The following KLHL1 variants were observed in gnomAD, a reference collection of about 807,000 sequenced individuals.
KLHL1 encodes kelch like family member 1.
A neutral mutation model predicts 77.7 loss-of-function variants in KLHL1; 47 were observed. That is an observed-to-expected ratio of 0.60 (90% confidence interval 0.48 to 0.77). KLHL1 has a LOEUF of 0.77. Among genes scored for constraint, KLHL1 ranks in the 30% least tolerant of loss-of-function variants. KLHL1 has a pLI of 0.00. For synonymous variants in KLHL1, 360 were observed against 325.2 expected, an observed-to-expected ratio of 1.11 and a Z score of -1.15; for missense variants, 925 against 910.8, an observed-to-expected ratio of 1.02 and a Z score of -0.20.
intron 5 of KLHL1, among the ~76,000 whole-genome samples, chr13:69,865,784 C>T (rs144805559): frequency 6.6e-6 from 1 of 152,194 alleles, no homozygotes; most frequent in African/African-American, 2.4e-5. Flanking sequence ...GGCATTGTTA[C>T]TGGACATGGA....
intron 5 of KLHL1, among the ~76,000 whole-genome samples, chr13:69,855,548 A>G (rs1879876365): frequency 6.9e-6 from 1 of 145,936 alleles, no homozygotes; most frequent in African/African-American, 2.6e-5. Flanking sequence ...GAAATAATGT[A>G]ATCTTGGGGG....
rs986181347 is a variant in KLHL1, at chr13:69,971,923, C to T, written c.680+3697G>A. 3.9e-5 allele frequency among the ~76,000 whole-genome samples: 6 copies of T among 151,994 alleles called. 1 individual carries two copies. Among genetic ancestry groups the T allele is most frequent in the African/African-American group, 1.4e-4 (6 of 41,432 alleles). On this transcript the variant is annotated intron_variant, in intron 2 of 10. Coordinates refer to ENST00000377844, the MANE Select transcript of KLHL1 (RefSeq NM_020866.3). ...TGCTTCATGGACTGCTGACAATCTA[C>T]TATAGACATAAGCAAAACATTAAAA...
intron 1 of KLHL1, among the ~76,000 whole-genome samples, chr13:69,985,811 A>G (rs1884850452): frequency 6.8e-6 from 1 of 146,354 alleles, no homozygotes; most frequent in African/African-American, 2.5e-5. Context: ...ATATTTATAT[A>G]TTATATATTA....
chr13:69,849,233 A>G (rs1879591217), intron 5 of KLHL1, among the ~76,000 whole-genome samples: 1 of 151,508 alleles, frequency 6.6e-6, no homozygotes, highest in African/African-American at 2.4e-5. Flanking sequence ...GTTCCCCTAA[A>G]ACATCTTAAT....
chr13:70,025,204 A>T (rs1269869901), intron 1 of KLHL1, among the ~76,000 whole-genome samples: 1 of 152,020 alleles, frequency 6.6e-6, no homozygotes, highest in East Asian at 1.9e-4. Flanking sequence ...CCAGAATTGT[A>T]TACAGTGGTA....
intron 5 of KLHL1, among the ~76,000 whole-genome samples, chr13:69,854,898 A>G (rs148265684): frequency 4.7e-4 from 72 of 152,160 alleles, no homozygotes; most frequent in African/African-American, 1.7e-3. Flanking sequence ...TCATCTCTCA[A>G]GTACCTATTT....
At chr13:69,740,153 G>A (rs1974907) in intron 8 of KLHL1, among the ~76,000 whole-genome samples, 54,991 of 151,862 alleles carry the variant, frequency 0.36, 10,459 homozygotes, top group African/African-American at 0.47. Flanking sequence ...TTATTCAAAA[G>A]TGATATAAAT....
At chr13:70,046,804 G>A (rs557085944) in intron 1 of KLHL1, among the ~76,000 whole-genome samples, 1 of 151,922 alleles carries the variant, frequency 6.6e-6, no homozygotes, top group Middle Eastern at 3.2e-3. Flanking sequence ...CCTTACACCC[G>A]GCCTCTAGCT....
intron 4 of KLHL1, among the ~76,000 whole-genome samples, chr13:69,938,030 G>GA (rs1010730910): frequency 5.8e-4 from 88 of 150,892 alleles, no homozygotes; most frequent in Middle Eastern, 3.4e-3. Context: ...CAGTTAAGGA[G>GA]AAAAAAAAAC....
intron 1 of KLHL1, among the ~76,000 whole-genome samples, chr13:70,033,397 C>G (rs1886156685): frequency 6.6e-6 from 1 of 152,158 alleles, no homozygotes; most frequent in African/African-American, 2.4e-5. Flanking sequence ...TCACACCATT[C>G]TCCTGCCTCA....
At chr13:70,099,842 A>T (rs1236453372) in intron 1 of KLHL1, among the ~76,000 whole-genome samples, 1 of 152,054 alleles carries the variant, frequency 6.6e-6, no homozygotes, top group Non-Finnish European at 1.5e-5. Context: ...TTTATATGGC[A>T]GAATAGTATT....
At chr13:69,732,529 C>T (rs1873591640) in intron 8 of KLHL1, among the ~76,000 whole-genome samples, 1 of 152,152 alleles carries the variant, frequency 6.6e-6, no homozygotes, top group Non-Finnish European at 1.5e-5. Flanking sequence ...GAAATAAGGG[C>T]TAAATCTCTG....
At chr13:70,056,710 C>T (rs1886752990) in intron 1 of KLHL1, among the ~76,000 whole-genome samples, 1 of 151,966 alleles carries the variant, frequency 6.6e-6, no homozygotes, top group Non-Finnish European at 1.5e-5. Context: ...AAACAATATG[C>T]TCCTGAATGA....
intron 4 of KLHL1, among the ~76,000 whole-genome samples, chr13:69,898,666 C>A (rs1477134361): frequency 6.6e-6 from 1 of 152,132 alleles, no homozygotes. Flanking sequence ...CCCCAAGCCC[C>A]AAAAGGACTT....
chr13:69,939,340 C>CATATATATATATATATATATATATAT (rs34074889), intron 4 of KLHL1, among the ~76,000 whole-genome samples: 3 of 60,846 alleles, frequency 4.9e-5, no homozygotes, highest in African/African-American at 1.4e-4. Context: ...CATATACATA[C>CATATATATATATATATATATATATAT]ATATATATAT....
chr13:69,837,307 T>G (rs1442757210), intron 6 of KLHL1, among the ~76,000 whole-genome samples: 2 of 151,642 alleles, frequency 1.3e-5, no homozygotes, highest in South Asian at 2.1e-4. Context: ...CCCAGCAAAG[T>G]GTTTAATAAT....
At chr13:70,039,906 G>A (rs529426186) in intron 1 of KLHL1, among the ~76,000 whole-genome samples, 2 of 152,006 alleles carry the variant, frequency 1.3e-5, no homozygotes, top group South Asian at 4.2e-4. Flanking sequence ...CTCCCAAACT[G>A]CTTGGATTAT....
chr13:69,724,339 G>T (rs1206594442), intron 8 of KLHL1, among the ~76,000 whole-genome samples: 3 of 152,100 alleles, frequency 2.0e-5, no homozygotes, highest in African/African-American at 7.2e-5. Flanking sequence ...TGTTATGAGT[G>T]TGTCCTTAAC....
intron 7 of KLHL1, among the ~76,000 whole-genome samples, chr13:69,774,605 T>G (rs1374044790): frequency 6.6e-6 from 1 of 152,098 alleles, no homozygotes; most frequent in Non-Finnish European, 1.5e-5. Context: ...GTGGCTCTGC[T>G]TTAGGAGTAG....
Sources: gnomAD v4.1 joint callset for allele counts (sites outside exome capture counted in the v4.1 genomes callset) on GRCh38, gnomAD v4.1.1 for gene constraint, MANE v1.5 for transcripts, NCBI Gene and HGNC (gene_info 2026-07-23, HGNC 2026-07-21) for gene names.